ASIC2: variants seen among roughly 807,000 people sequenced by gnomAD.
The protein encoded by ASIC2 is acid sensing ion channel subunit 2, also known as acid-sensing ion channel 2.
Under a neutral mutation model 57.3 loss-of-function variants are expected in ASIC2, and 25 were observed. That is an observed-to-expected ratio of 0.44 (90% confidence interval 0.32 to 0.61). The LOEUF (loss-of-function observed/expected upper bound fraction) is 0.61, where lower values mean the gene tolerates loss of function less well. Among genes scored for constraint, ASIC2 ranks in the 20% least tolerant of loss-of-function variants. ASIC2 has a pLI of 0.06. For missense variants in ASIC2, 641 were observed against 738.1 expected (o/e 0.87, Z 1.52); for synonymous variants, 319 against 307.5 (o/e 1.04, Z -0.39).
chr17:33,733,828 G>A (rs1909824525), intron 1 of ASIC2, among the ~76,000 whole-genome samples: 1 of 152,138 alleles, frequency 6.6e-6, no homozygotes, highest in Non-Finnish European at 1.5e-5. Flanking sequence ...GCTAGATACA[G>A]TTATTGTCCT....
intron 1 of ASIC2, among the ~76,000 whole-genome samples, chr17:33,339,866 C>T (rs1418383237): frequency 6.6e-6 from 1 of 152,170 alleles, no homozygotes; most frequent in Non-Finnish European, 1.5e-5. Context: ...GTATCTGATA[C>T]TTTGCTGTAG....
intron 1 of ASIC2, among the ~76,000 whole-genome samples, chr17:33,564,998 T>A (rs1319517083): frequency 6.6e-6 from 1 of 152,222 alleles, no homozygotes; most frequent in Non-Finnish European, 1.5e-5. Context: ...TAATGACTGG[T>A]TTGCTGTTAA....
At chr17:33,642,820 G>A (rs922207328) in intron 1 of ASIC2, among the ~76,000 whole-genome samples, 4 of 152,170 alleles carry the variant, frequency 2.6e-5, no homozygotes, top group Non-Finnish European at 5.9e-5. Context: ...TCTTTGAAAT[G>A]CCAAGCACCT....
At chr17:33,580,585 T>A (rs1448185050) in intron 1 of ASIC2, among the ~76,000 whole-genome samples, 2 of 152,100 alleles carry the variant, frequency 1.3e-5, no homozygotes, top group Admixed American at 6.5e-5. Context: ...AATGGCTCCC[T>A]GCACCTATCA....
intron 1 of ASIC2, among the ~76,000 whole-genome samples, chr17:33,575,480 T>C (rs9904596): frequency 0.62 from 94,889 of 152,118 alleles, 31,443 homozygotes; most frequent in African/African-American, 0.86. Flanking sequence ...TGTCAATAGG[T>C]AACTCTCCTT....
rs115724542 is a variant in ASIC2 at position 33,224,315 on chromosome 17, G to T, written c.708+67093C>A. On this transcript the variant is annotated intron_variant, in intron 1 of 9. Coordinates refer to ENST00000225823, the MANE Select transcript of ASIC2 (RefSeq NM_183377.2). ...TTGGTAATCTCCAGCTGTGGCACCT[G>T]AATGTGCAGAGACGCCACATCTGTT... 8.3e-4 allele frequency among the ~76,000 whole-genome samples: 126 copies of T among 152,350 alleles called. 1 individual carries two copies. The highest frequency in any genetic ancestry group is 3.0e-3 in the African/African-American group (123 of 41,578).
At chr17:33,599,104 A>C (rs973556877) in intron 1 of ASIC2, among the ~76,000 whole-genome samples, 1 of 152,218 alleles carries the variant, frequency 6.6e-6, no homozygotes, top group Non-Finnish European at 1.5e-5. Context: ...TGATATCTGC[A>C]CTGTTTACTT....
chr17:33,606,539 A>G (rs1299762244), intron 1 of ASIC2, among the ~76,000 whole-genome samples: 2 of 152,112 alleles, frequency 1.3e-5, no homozygotes, highest in Non-Finnish European at 2.9e-5. Flanking sequence ...CCTCCAACCT[A>G]CCACCTTGGA....
chr17:33,774,731 C>T (rs2142123055), intron 1 of ASIC2, among the ~76,000 whole-genome samples: 2 of 152,304 alleles, frequency 1.3e-5, no homozygotes, highest in Middle Eastern at 6.8e-3. Context: ...CTCAAAATGA[C>T]TAGAATTCTG....
At chr17:33,061,004 T>C (rs2141939307) in intron 3 of ASIC2, among the ~76,000 whole-genome samples, 1 of 152,340 alleles carries the variant, frequency 6.6e-6, no homozygotes, top group African/African-American at 2.4e-5. Flanking sequence ...TTTTTGCATA[T>C]TGATTTTGTA....
chr17:33,488,422 C>T (rs1317233683), intron 1 of ASIC2, among the ~76,000 whole-genome samples: 2 of 152,214 alleles, frequency 1.3e-5, no homozygotes, highest in South Asian at 2.1e-4. Flanking sequence ...TTAGCATTCA[C>T]ATCAGGGTCA....
At chr17:33,451,959 C>G (rs988679365) in intron 1 of ASIC2, among the ~76,000 whole-genome samples, 2 of 152,130 alleles carry the variant, frequency 1.3e-5, no homozygotes, top group African/African-American at 4.8e-5. Flanking sequence ...ATCCTCAGAA[C>G]CTATTCTCAG....
chr17:33,384,963 G>C (rs1189327878), intron 1 of ASIC2, among the ~76,000 whole-genome samples: 1 of 152,196 alleles, frequency 6.6e-6, no homozygotes. Flanking sequence ...AGGAGTGAAT[G>C]CTCTAAAGTC....
At chr17:33,110,700 G>A (rs1008804022) in intron 2 of ASIC2, among the ~76,000 whole-genome samples, 3 of 152,200 alleles carry the variant, frequency 2.0e-5, no homozygotes, top group Non-Finnish European at 4.4e-5. Flanking sequence ...AGCCCTCGCT[G>A]TCTCAGCAGC....
chr17:33,214,450 T>C (rs1194990009), intron 1 of ASIC2, among the ~76,000 whole-genome samples: 1 of 152,176 alleles, frequency 6.6e-6, no homozygotes, highest in Non-Finnish European at 1.5e-5. Context: ...ACATTGTGTA[T>C]GTGTGGATGA....
intron 2 of ASIC2, among the ~76,000 whole-genome samples, chr17:33,098,585 C>G (rs537399949): frequency 2.0e-5 from 3 of 152,158 alleles, no homozygotes; most frequent in Non-Finnish European, 2.9e-5. Context: ...GGCTGGTGAT[C>G]CAGGAGATGC....
At chr17:33,093,211 T>C (rs1343214652) in intron 2 of ASIC2, among the ~76,000 whole-genome samples, 1 of 152,190 alleles carries the variant, frequency 6.6e-6, no homozygotes, top group Non-Finnish European at 1.5e-5. Context: ...GACAGCAATC[T>C]CAAGAGCATT....
intron 1 of ASIC2, among the ~76,000 whole-genome samples, chr17:33,397,971 TA>T (rs1910140001): frequency 6.6e-6 from 1 of 152,200 alleles, no homozygotes; most frequent in African/African-American, 2.4e-5. Context: ...ATCAGGATCA[TA>T]GTGGAAAAAA....
intron 1 of ASIC2, among the ~76,000 whole-genome samples, chr17:33,465,179 G>A (rs568361278): frequency 6.6e-6 from 1 of 152,132 alleles, no homozygotes; most frequent in African/African-American, 2.4e-5. Flanking sequence ...GGCTGTTTTT[G>A]TTAGGAGCTT....
Sources: gnomAD v4.1 joint callset for allele counts (sites outside exome capture counted in the v4.1 genomes callset) on GRCh38, gnomAD v4.1.1 for gene constraint, MANE v1.5 for transcripts, NCBI Gene and HGNC (gene_info 2026-07-23, HGNC 2026-07-21) for gene names.